Variants in KPNA5 observed in about 807,000 individuals in gnomAD.
KPNA5 encodes importin subunit alpha-6.
Under a neutral mutation model 71.3 loss-of-function variants are expected in KPNA5, and 46 were observed. The observed-to-expected ratio is 0.65, with a 90% confidence interval of 0.51 to 0.83. The LOEUF is 0.83. Among genes scored for constraint, KPNA5 ranks in the 40% least tolerant of loss-of-function variants. The pLI is 0.00. For missense variants in KPNA5, 547 were observed against 628.3 expected (o/e 0.87, Z 1.38); for synonymous variants, 207 against 201.4 (o/e 1.03, Z -0.24).
rs1381476341 is a variant in KPNA5 at position 116,740,812 on chromosome 6, G to A, written c.*8489G>A. ...TGAACAATGAGAACACATGGACACA[G>A]GAAGGGGAACATCACACTCTGGGGA... On this transcript the variant is annotated 3_prime_UTR_variant, in exon 14 of 14. Coordinates refer to ENST00000368564, the MANE Select transcript of KPNA5 (RefSeq NM_001366306.2). The A allele has an allele frequency of 6.7e-6, 1 of 149,712 alleles. No individual in the cohort carries two copies. Among genetic ancestry groups the A allele is most frequent in the African/African-American group, 2.5e-5 (1 of 40,464 alleles). The allele number at this position is 149,712 out of a possible 1,614,324, so 9.3% of individuals were successfully genotyped here.
In KPNA5 at chr6:116,681,555, G is replaced by A. The variant is rs1484218401; in HGVS notation, c.4+217G>A. ...TCCCTTGCGGACGCGAAGGCGTGGT[G>A]AGTTCAGATTCTTTCAGCAGGTCCT... On this transcript the variant is annotated intron_variant, in intron 1 of 13. Transcript: ENST00000368564. 4.5e-6 allele frequency: 6 copies of A among 1,335,244 alleles called. No individual in the cohort carries two copies. In the African/African-American group the frequency reaches 7.7e-5, roughly 17 times the overall value. The allele number at this position is 1,335,244 out of a possible 1,614,324, so 82.7% of individuals were successfully genotyped here.
At chr6:116,683,023 G>A (rs747741539) in intron 1 of KPNA5, among the ~76,000 whole-genome samples, 3 of 152,142 alleles carry the variant, frequency 2.0e-5, no homozygotes, top group Non-Finnish European at 4.4e-5. Flanking sequence ...TATTTTATTT[G>A]GCTAAAATTT....
At chr6:116,702,357 C>A (rs575950019) in intron 6 of KPNA5, among the ~76,000 whole-genome samples, 1 of 152,256 alleles carries the variant, frequency 6.6e-6, no homozygotes, top group Admixed American at 6.5e-5. Flanking sequence ...GTGATCACAG[C>A]TAGCATAGGA....
chr6:116,725,796 A>C lies in KPNA5; in HGVS notation c.1045A>C (p.Ser349Arg). ...ATTACCCTGTCTCTTACATTTATTG[A>C]GTAGCCCAAAGGAGTCAATTAGAAA... The part of the protein sequence containing the change: ...SALPCLLHLL[S>R]SPKESIRKEA... The change falls in exon 11 of 14, where the codon AGT becomes CGT. Residue 349 changes from serine (S) to arginine (R), a missense_variant. Transcript: ENST00000368564. 6.2e-7 allele frequency: 1 copy of C among 1,613,248 alleles called. No individual in the cohort carries two copies. The highest frequency in any genetic ancestry group is 8.5e-7 in the Non-Finnish European group (1 of 1,179,506).
intron 8 of KPNA5, among the ~76,000 whole-genome samples, chr6:116,717,468 C>T (rs1477664027): frequency 1.3e-5 from 2 of 152,056 alleles, no homozygotes; most frequent in Non-Finnish European, 1.5e-5. Flanking sequence ...TGTAATCTGT[C>T]ACTGTGGTAC....
rs148504222 is a variant in KPNA5, at chr6:116,692,458, G to GT, written c.340+75dup. On this transcript the variant is annotated intron_variant, in intron 4 of 13. Transcript: ENST00000368564. ...TTTTTTAGTAGAGGTTTATTTTATT[G>GT]TTTTTTTTTAAATTTTAAAATACCT... 6,759 of 997,804 alleles carry GT rather than the reference G, an allele frequency of 6.8e-3. 255 individuals are homozygous for GT. The African/African-American group carries it at 0.091, about 13-fold the overall frequency. The allele number at this position is 997,804 out of a possible 1,614,324, so 61.8% of individuals were successfully genotyped here. A position where few individuals can be genotyped will look rare whatever the true frequency, so the allele number is the denominator to read the frequency against.
At chr6:116,709,141 T>G (rs1231596922) in intron 7 of KPNA5, among the ~76,000 whole-genome samples, 1 of 152,216 alleles carries the variant, frequency 6.6e-6, no homozygotes, top group East Asian at 1.9e-4. Flanking sequence ...ACTAATAGTT[T>G]TTTTGTAGAT....
chr6:116,705,144 C>G lies in KPNA5; in HGVS notation c.640C>G (p.Leu214Val), dbSNP rs762586559. 6.2e-7 allele frequency: 1 copy of G among 1,608,596 alleles called. No individual in the cohort carries two copies. Among genetic ancestry groups the G allele is most frequent in the Admixed American group, 1.7e-5 (1 of 59,960 alleles). Reference sequence around the variant, plus strand: ...AGATTTTGTTTTGAATTGTGAAATACTTCCACCTCTTTTAGAGTAAGTACT... The same window carrying G: ...AGATTTTGTTTTGAATTGTGAAATAGTTCCACCTCTTTTAGAGTAAGTACT... Reference protein sequence around the residue: ...CRDFVLNCEILPPLLELLTNS... With the variant: ...CRDFVLNCEIVPPLLELLTNS... The change falls in exon 7 of 14, where the codon CTT becomes GTT. Residue 214 changes from leucine to valine, a missense_variant. Coordinates refer to ENST00000368564, the MANE Select transcript of KPNA5 (RefSeq NM_001366306.2).
rs920779830 is a variant in KPNA5, at chr6:116,725,793, T to C, written c.1042T>C (p.Leu348=). ...CSALPCLLHL[L]SSPKESIRKE... ...TGCATTACCCTGTCTCTTACATTTA[T>C]TGAGTAGCCCAAAGGAGTCAATTAG... The change falls in exon 11 of 14, where the codon TTG becomes CTG. Residue 348 remains leucine (L), a synonymous_variant. Coordinates refer to ENST00000368564, the MANE Select transcript of KPNA5 (RefSeq NM_001366306.2). 5.6e-6 allele frequency: 9 copies of C among 1,613,168 alleles called. No individual in the cohort carries two copies. The highest frequency in any genetic ancestry group is 3.3e-5 in the South Asian group (3 of 91,048).
chr6:116,698,510 G>A (rs1328166533), intron 4 of KPNA5, among the ~76,000 whole-genome samples, 194 bp from the exon 5 acceptor site: 5 of 151,942 alleles, frequency 3.3e-5, no homozygotes, highest in Admixed American at 6.6e-5. Flanking sequence ...ATGAGAAAGC[G>A]GAATTTGCAA....
At chr6:116,689,480 GT>G (rs757907474) in intron 2 of KPNA5, 27 bp downstream of exon 2, 2 of 1,516,688 alleles carry the variant, frequency 1.3e-6, no homozygotes, top group South Asian at 2.6e-5. Context: ...ATTTAATTTT[GT>G]TTTTTAAAAT....
At chr6:116,712,178 C>T (rs1011553418) in intron 7 of KPNA5, among the ~76,000 whole-genome samples, 3 of 151,930 alleles carry the variant, frequency 2.0e-5, no homozygotes, top group African/African-American at 7.3e-5. Flanking sequence ...TGGCCTCAGG[C>T]GATCTACCCA....
At chr6:116,710,877 A>G (rs1201404428) in intron 7 of KPNA5, among the ~76,000 whole-genome samples, 1 of 72,694 alleles carries the variant, frequency 1.4e-5, no homozygotes, top group Non-Finnish European at 2.4e-5. Context: ...ATTATTTTAT[A>G]TATATATATA....
At position 116,712,930 on chromosome 6, in the gene KPNA5, T is replaced by A. The variant is rs117778328; in HGVS notation, c.657-3289T>A. On this transcript the variant is annotated intron_variant, in intron 7 of 13. Transcript: ENST00000368564. ...ACCACCTTGATTGAATTACTCGCAG[T>A]TTACCTTCAAAATTATACAAAAACA... Among the ~76,000 whole-genome samples, 1,339 of 152,316 alleles carry A rather than the reference T, an allele frequency of 8.8e-3. 9 individuals carry two copies. Among genetic ancestry groups the A allele is most frequent in the Non-Finnish European group, 0.015 (1,001 of 68,030 alleles).
At chr6:116,730,127 C>T in intron 13 of KPNA5, among the ~76,000 whole-genome samples, 1 of 140,544 alleles carries the variant, frequency 7.1e-6, no homozygotes, top group African/African-American at 2.7e-5. Context: ...TACTCCGTCT[C>T]CCAGGCTGGA....
intron 7 of KPNA5, among the ~76,000 whole-genome samples, chr6:116,708,683 T>C (rs1278467956): frequency 1.3e-5 from 2 of 152,248 alleles, no homozygotes; most frequent in African/African-American, 4.8e-5. Context: ...TTTTATTCTT[T>C]TTTATTCAAA....
intron 4 of KPNA5, among the ~76,000 whole-genome samples, chr6:116,693,966 T>A (rs1324630605): frequency 6.6e-6 from 1 of 152,172 alleles, no homozygotes; most frequent in East Asian, 1.9e-4. Context: ...GCTAGCCAGT[T>A]TTCCCAGCAC....
At chr6:116,683,896 C>CTTTTTTTTTTT (rs140446065) in intron 1 of KPNA5, among the ~76,000 whole-genome samples, 1 of 59,608 alleles carries the variant, frequency 1.7e-5, no homozygotes, top group Non-Finnish European at 3.6e-5. Context: ...CGTGCCCGGC[C>CTTTTTTTTTTT]TTTTTTTTTT....
At chr6:116,681,551 T>A (rs1207622806) in intron 1 of KPNA5, 2 of 1,336,302 alleles carry the variant, frequency 1.5e-6, no homozygotes, top group Non-Finnish European at 1.9e-6. Flanking sequence ...CGCGAAGGCG[T>A]GGTGAGTTCA....
Sources: gnomAD v4.1 joint callset for allele counts (sites outside exome capture counted in the v4.1 genomes callset) on GRCh38, gnomAD v4.1.1 for gene constraint, MANE v1.5 for transcripts, NCBI Gene and HGNC (gene_info 2026-07-23, HGNC 2026-07-21) for gene names.